The following GLYR1 variants were observed in gnomAD, a reference collection of about 807,000 sequenced individuals.
GLYR1 encodes the protein cytokine-like nuclear factor N-PAC.
A neutral mutation model predicts 72.7 loss-of-function variants in GLYR1; 21 were observed. That is an observed-to-expected ratio of 0.29 (90% CI 0.20 to 0.42). GLYR1 has a LOEUF of 0.42. Ranked by LOEUF, GLYR1 falls within the 10% of genes least tolerant of loss-of-function variation. The pLI is 1.00. For missense variants in GLYR1, 594 were observed against 712.1 expected (o/e 0.83, Z 1.89); for synonymous variants, 392 against 270.2 (o/e 1.45, Z -4.42).
At position 4,805,726 on chromosome 16, in the gene GLYR1, C is replaced by G. The variant is rs140039425; in HGVS notation, c.1588-416G>C. On this transcript the variant is annotated intron_variant, in intron 15 of 15. Transcript: ENST00000321919. The stretch of plus-strand genomic sequence containing the variant: ...GGCGCAGTGGCTCATGCCTGTAATC[C>G]CAGCACTTTAGGAGGCCAAGGTGGG... 6.2e-3 allele frequency among the ~76,000 whole-genome samples: 938 copies of G among 152,174 alleles called. 9 individuals carry two copies. Among genetic ancestry groups the G allele is most frequent in the African/African-American group, 0.021 (887 of 41,520 alleles).
At position 4,811,715 on chromosome 16, in the gene GLYR1, A is replaced by G. The variant is rs763044128; in HGVS notation, c.1370T>C (p.Leu457Pro). 6.2e-7 allele frequency: 1 copy of G among 1,614,212 alleles called. No individual in the cohort carries two copies. The highest frequency in any genetic ancestry group is 8.5e-7 in the Non-Finnish European group (1 of 1,180,032). ...CTGGGACTGGCCTGTCACCTGGGCC[A>G]GGGTCAGCCCCTCGGCAATAGTGGC... ...FMATIAEGLT[L>P]AQVTGQSQQT... The change falls in exon 14 of 16, where the codon CTG becomes CCG. Residue 457 changes from leucine (L) to proline (P), a missense_variant. By Grantham distance (98) the Leu-to-Pro change is moderately conservative. Coordinates refer to ENST00000321919, the MANE Select transcript of GLYR1 (RefSeq NM_032569.4).
intron 5 of GLYR1, among the ~76,000 whole-genome samples, chr16:4,825,881 T>C (rs1172948513): frequency 6.6e-6 from 1 of 152,188 alleles, no homozygotes; most frequent in East Asian, 1.9e-4. Context: ...CTCGATCTCC[T>C]GACCTCGTGA....
intron 9 of GLYR1, among the ~76,000 whole-genome samples, chr16:4,818,633 C>T (rs974865919): frequency 3.9e-5 from 6 of 152,196 alleles, no homozygotes; most frequent in African/African-American, 1.4e-4. Flanking sequence ...CACTGAAGCA[C>T]TGTGTTTAGA....
intron 5 of GLYR1, among the ~76,000 whole-genome samples, chr16:4,825,903 C>T (rs1351486396): frequency 2.6e-5 from 4 of 152,212 alleles, no homozygotes; most frequent in African/African-American, 7.2e-5. Flanking sequence ...CCGCCCGCCT[C>T]GGCCTCCCAA....
intron 15 of GLYR1, among the ~76,000 whole-genome samples, chr16:4,809,851 G>C (rs2141946982): frequency 6.6e-6 from 1 of 152,034 alleles, no homozygotes; most frequent in African/African-American, 2.4e-5. Context: ...TTGAACTTGG[G>C]AGGCAGAGGT....
intron 6 of GLYR1, 52 bp downstream of exon 6, chr16:4,823,769 A>G: frequency 7.4e-7 from 1 of 1,346,820 alleles, no homozygotes; most frequent in Non-Finnish European, 1.0e-6. Context: ...AGGATCACAC[A>G]GGAACCTCGC....
chr16:4,820,805 G>C (rs977976563), intron 9 of GLYR1, among the ~76,000 whole-genome samples: 3 of 152,240 alleles, frequency 2.0e-5, no homozygotes, highest in Non-Finnish European at 4.4e-5. Flanking sequence ...ACAGAGGCAA[G>C]GCTGGGCGCA....
chr16:4,847,220 G>C lies in GLYR1; in HGVS notation c.38+8C>G. 1 of 1,604,062 alleles carries C rather than the reference G, an allele frequency of 6.2e-7. No individual in the cohort carries two copies. On this transcript the variant is annotated splice_region_variant and intron_variant, in intron 1 of 15. Transcript: ENST00000321919. ...CGCGTCTCGGTTGGCCCGGCCGCTC[G>C]GACTCACCACACCAAGTCGCCGAGC...
At chr16:4,831,566 G>C (rs1197445374) in intron 5 of GLYR1, among the ~76,000 whole-genome samples, 1 of 152,194 alleles carries the variant, frequency 6.6e-6, no homozygotes, top group African/African-American at 2.4e-5. Context: ...CCCTCCCAGG[G>C]CCAGCCCTTG....
chr16:4,807,824 A>G (rs115617199), intron 15 of GLYR1, among the ~76,000 whole-genome samples: 1,531 of 152,366 alleles, frequency 0.01, 22 homozygotes, highest in African/African-American at 0.035. Context: ...GAATTCTACT[A>G]TCCAGAGAGA....
intron 15 of GLYR1, among the ~76,000 whole-genome samples, chr16:4,807,526 A>G (rs2083061655): frequency 6.6e-6 from 1 of 152,230 alleles, no homozygotes; most frequent in African/African-American, 2.4e-5. Flanking sequence ...ATATCAATAC[A>G]ACTACTAAAG....
chr16:4,819,319 C>CT (rs1346524767), intron 9 of GLYR1, among the ~76,000 whole-genome samples: 1 of 151,940 alleles, frequency 6.6e-6, no homozygotes, highest in African/African-American at 2.4e-5. Flanking sequence ...AGCCTTTTTT[C>CT]TTTTTTTAGT....
At chr16:4,818,498 G>C (rs1306101135) in intron 9 of GLYR1, among the ~76,000 whole-genome samples, 1 of 151,406 alleles carries the variant, frequency 6.6e-6, no homozygotes, top group Non-Finnish European at 1.5e-5. Flanking sequence ...ACCCAGGCTG[G>C]TCTTGGACTC....
rs201555327 is a variant in GLYR1, at chr16:4,814,510, T to C, written c.1017+27A>G. The C allele has an allele frequency of 5.8e-4, 907 of 1,565,784 alleles. 5 individuals are homozygous for C. The Middle Eastern group carries it at 8.5e-3, about 15-fold the overall frequency. On this transcript the variant is annotated intron_variant, in intron 11 of 15. Coordinates refer to ENST00000321919, the MANE Select transcript of GLYR1 (RefSeq NM_032569.4). Reference sequence around the variant, plus strand: ...AGCAATCCTGGCTGTGACCCGGAGTTGCTGAGGGGAGGGAGGGGGTCCTTA... The same window carrying C: ...AGCAATCCTGGCTGTGACCCGGAGTCGCTGAGGGGAGGGAGGGGGTCCTTA...
At chr16:4,812,022 C>T in intron 13 of GLYR1, 64 bp downstream of exon 13, 2 of 1,557,968 alleles carry the variant, frequency 1.3e-6, no homozygotes, top group Non-Finnish European at 1.7e-6. Context: ...CTGACGCTGT[C>T]ATCAGTGTGA....
At chr16:4,806,558 G>C (rs1371251166) in intron 15 of GLYR1, among the ~76,000 whole-genome samples, 1 of 151,622 alleles carries the variant, frequency 6.6e-6, no homozygotes, top group East Asian at 1.9e-4. Context: ...GTACAGATGG[G>C]GGTCTTGCTA....
At chr16:4,837,943 A>ATAAC in intron 3 of GLYR1, among the ~76,000 whole-genome samples, 1 of 129,312 alleles carries the variant, frequency 7.7e-6, no homozygotes, top group Non-Finnish European at 1.7e-5. Context: ...AAATAAATAA[A>ATAAC]TAAATAAATA....
chr16:4,822,337 TTGGCCTCCCAAAG>T (rs1233360285), intron 7 of GLYR1, among the ~76,000 whole-genome samples: 1 of 151,796 alleles, frequency 6.6e-6, no homozygotes, highest in Non-Finnish European at 1.5e-5. Context: ...TCCACCCGCC[TTGGCCTCCCAAAG>T]TGCTGGGATT....
At position 4,845,167 on chromosome 16, in the gene GLYR1, G is replaced by T. The variant is rs747925448; in HGVS notation, c.76-14C>A. ...TGGATTAACAATCTGGAGGATAAAA[G>T]GGGGGAAAAAGGTTGGCTGGCAACA... On this transcript the variant is annotated splice_polypyrimidine_tract_variant and intron_variant, in intron 2 of 15. Transcript: ENST00000321919. The T allele has an allele frequency of 4.4e-6, 7 of 1,607,780 alleles. No homozygotes were observed. The Admixed American group carries it at 1.2e-4, about 27-fold the overall frequency.
Sources: allele counts gnomAD v4.1 joint callset (sites outside exome capture counted in the v4.1 genomes callset), GRCh38; gene constraint gnomAD v4.1.1; transcripts MANE v1.5; gene names NCBI Gene and HGNC (gene_info 2026-07-23, HGNC 2026-07-21).